Variants in ADAMTS3 observed in about 807,000 individuals in gnomAD.
The protein encoded by ADAMTS3 is A disintegrin and metalloproteinase with thrombospondin motifs 3.
In ADAMTS3, 73 loss-of-function variants were observed where a neutral mutation model predicts 129.0. The ratio of observed to expected loss-of-function variants is 0.57; its 90% CI spans 0.47 to 0.69. ADAMTS3 has a LOEUF of 0.69. Ranked by LOEUF, ADAMTS3 falls within the 30% of genes least tolerant of loss-of-function variation. The pLI, the probability that ADAMTS3 is intolerant of heterozygous loss-of-function variation, is 0.00. For missense variants in ADAMTS3, 1,457 were observed against 1,514.5 expected, an observed-to-expected ratio of 0.96 and a Z score of 0.63; for synonymous variants, 477 against 510.8, an observed-to-expected ratio of 0.93 and a Z score of 0.89.
intron 5 of ADAMTS3, among the ~76,000 whole-genome samples, chr4:72,330,917 T>C (rs1008118025): frequency 6.6e-6 from 1 of 152,196 alleles, no homozygotes; most frequent in Non-Finnish European, 1.5e-5. Flanking sequence ...TTGAGAAAGA[T>C]GGTTCGCACA....
At chr4:72,355,783 A>G (rs1298648426) in intron 4 of ADAMTS3, among the ~76,000 whole-genome samples, 2 of 152,002 alleles carry the variant, frequency 1.3e-5, no homozygotes, top group East Asian at 1.9e-4. Flanking sequence ...AAATTACTCC[A>G]TCTGTCTTAT....
At chr4:72,526,724 A>G (rs1720818747) in intron 3 of ADAMTS3, among the ~76,000 whole-genome samples, 1 of 77,736 alleles carries the variant, frequency 1.3e-5, no homozygotes, top group Admixed American at 1.8e-4. Flanking sequence ...CAGAAAAAAT[A>G]TATACATACA....
At chr4:72,394,945 G>T (rs1334007282) in intron 4 of ADAMTS3, among the ~76,000 whole-genome samples, 3 of 150,006 alleles carry the variant, frequency 2.0e-5, no homozygotes, top group African/African-American at 7.4e-5. Flanking sequence ...TTTTTTTGGA[G>T]ATGGAGTTTC....
intron 2 of ADAMTS3, among the ~76,000 whole-genome samples, chr4:72,559,020 G>A (rs1261244869): frequency 6.6e-6 from 1 of 150,960 alleles, no homozygotes; most frequent in African/African-American, 2.5e-5. Flanking sequence ...GGTGTAGGGG[G>A]AGGTGAACCA....
At position 72,304,029 on chromosome 4, in the gene ADAMTS3, T is replaced by C. The variant is rs774801542; in HGVS notation, c.2312A>G (p.Glu771Gly). ...GHYILNGKGE[E>G]AKSRTFIDLG... is the part of the protein sequence containing the mutation. Reference sequence around the variant, plus strand: ...ATCTATGAAGGTCCGCGACTTGGCTTCCTCCCCTTTGCCATTTAAAATATA... The same window carrying C: ...ATCTATGAAGGTCCGCGACTTGGCTCCCTCCCCTTTGCCATTTAAAATATA... The change falls in exon 17 of 22, where the codon GAA becomes GGA. Residue 771 changes from glutamate (E) to glycine (G), a missense_variant. Coordinates refer to ENST00000286657, the MANE Select transcript of ADAMTS3 (RefSeq NM_014243.3). 6.2e-7 allele frequency: 1 copy of C among 1,613,750 alleles called. No homozygotes were observed. The highest frequency in any genetic ancestry group is 1.7e-5 in the Admixed American group (1 of 60,002).
chr4:72,508,192 C>A (rs555077910), intron 3 of ADAMTS3, among the ~76,000 whole-genome samples: 43 of 152,248 alleles, frequency 2.8e-4, no homozygotes, highest in African/African-American at 9.6e-4. Context: ...TTTCCACTGA[C>A]CCTGCAAATC....
chr4:72,291,107 T>C (rs779245801), intron 19 of ADAMTS3, 45 bp from the exon 20 acceptor site: 4 of 1,596,824 alleles, frequency 2.5e-6, no homozygotes, highest in East Asian at 2.2e-5. Context: ...CTGGTATGTA[T>C]AGTGTACACA....
chr4:72,305,784 T>C (rs1257974770), intron 16 of ADAMTS3, among the ~76,000 whole-genome samples: 4 of 151,672 alleles, frequency 2.6e-5, no homozygotes, highest in Admixed American at 2.6e-4. Flanking sequence ...CACATGCACA[T>C]GTACGCACAT....
At chr4:72,502,875 C>T (rs1223955311) in intron 3 of ADAMTS3, among the ~76,000 whole-genome samples, 2 of 152,090 alleles carry the variant, frequency 1.3e-5, no homozygotes, top group Non-Finnish European at 2.9e-5. Flanking sequence ...CCCTAGCCCG[C>T]CACCCACTGA....
At chr4:72,325,766 A>T (rs576222862) in intron 5 of ADAMTS3, among the ~76,000 whole-genome samples, 1 of 152,314 alleles carries the variant, frequency 6.6e-6, no homozygotes, top group Non-Finnish European at 1.5e-5. Flanking sequence ...CATATGTAAT[A>T]CATCAATGCT....
chr4:72,518,114 C>G (rs971976072), intron 3 of ADAMTS3, among the ~76,000 whole-genome samples: 1 of 152,108 alleles, frequency 6.6e-6, no homozygotes, highest in Non-Finnish European at 1.5e-5. Context: ...CATTCAGGAA[C>G]AGGTTGTTCA....
At chr4:72,494,170 C>T (rs553418100) in intron 3 of ADAMTS3, among the ~76,000 whole-genome samples, 1 of 152,182 alleles carries the variant, frequency 6.6e-6, no homozygotes, top group South Asian at 2.1e-4. Flanking sequence ...GCTTTCATCT[C>T]CTTTATCTGT....
intron 5 of ADAMTS3, among the ~76,000 whole-genome samples, chr4:72,338,650 G>T (rs1258709371): frequency 6.6e-6 from 1 of 151,928 alleles, no homozygotes; most frequent in Admixed American, 6.6e-5. Flanking sequence ...AAGTTGTGAG[G>T]GGGGAGGGTG....
At chr4:72,292,816 A>T (rs1304728362) in intron 19 of ADAMTS3, among the ~76,000 whole-genome samples, 1 of 152,188 alleles carries the variant, frequency 6.6e-6, no homozygotes, top group African/African-American at 2.4e-5. Flanking sequence ...AGTCTTTGGT[A>T]TTCACAGTTT....
chr4:72,347,008 A>T (rs1369090), intron 4 of ADAMTS3, among the ~76,000 whole-genome samples: 150,210 of 152,214 alleles, frequency 0.99, 74,140 homozygotes, highest in Non-Finnish European at 1. Context: ...GAACTAGGAC[A>T]TTTTAATTTG....
Position 72,548,728 on chromosome 4 carries a change from G to A in ADAMTS3, c.254C>T (p.Thr85Met), listed in dbSNP as rs763301017. The stretch of plus-strand genomic sequence containing the variant: ...CAGATGAAAATCTTTTCCAAATGCC[G>A]TGATGTTAAAGAACAACTGCTCAGG... Reference protein sequence around the residue: ...SNPEQLFFNITAFGKDFHLRL... With the variant: ...SNPEQLFFNIMAFGKDFHLRL... Residue 85 changes from threonine to methionine, a missense_variant, in exon 3 of 22, where the codon ACG becomes ATG. Coordinates refer to ENST00000286657, the MANE Select transcript of ADAMTS3 (RefSeq NM_014243.3). The A allele has an allele frequency of 1.7e-5, 27 of 1,613,846 alleles. No homozygotes were observed. Among genetic ancestry groups the A allele is most frequent in the East Asian group, 8.9e-5 (4 of 44,896 alleles).
intron 3 of ADAMTS3, among the ~76,000 whole-genome samples, chr4:72,457,843 CTT>C (rs1282631746): frequency 2.1e-5 from 3 of 143,172 alleles, no homozygotes; most frequent in East Asian, 4.2e-4. Context: ...TTCATACTCT[CTT>C]GTTTTGTTGT....
At position 72,311,028 on chromosome 4, in the gene ADAMTS3, G is replaced by C. The variant is rs746483660; in HGVS notation, c.2055+20C>G. Reference sequence around the variant, plus strand: ...ACGTAGATAACGTAGAAAGCCTTTGGGGAAGCAATTTGAACTTACCACACA... The same window carrying C: ...ACGTAGATAACGTAGAAAGCCTTTGCGGAAGCAATTTGAACTTACCACACA... On this transcript the variant is annotated intron_variant, in intron 14 of 21. Transcript: ENST00000286657. 2 of 1,568,872 alleles carry C rather than the reference G, an allele frequency of 1.3e-6. No homozygotes were observed. The highest frequency in any genetic ancestry group is 2.4e-5 in the South Asian group (2 of 83,978).
At chr4:72,519,440 C>A (rs900943663) in intron 3 of ADAMTS3, among the ~76,000 whole-genome samples, 27 of 152,326 alleles carry the variant, frequency 1.8e-4, no homozygotes, top group African/African-American at 6.5e-4. Flanking sequence ...TGTTTTCCAA[C>A]TTGGTTCCAT....
Sources: allele counts gnomAD v4.1 joint callset (sites outside exome capture counted in the v4.1 genomes callset), GRCh38; gene constraint gnomAD v4.1.1; transcripts MANE v1.5; gene names NCBI Gene and HGNC (gene_info 2026-07-23, HGNC 2026-07-21).